The following PDS5A variants were observed in gnomAD, a reference collection of about 807,000 sequenced individuals.
The protein encoded by PDS5A is sister chromatid cohesion protein PDS5 homolog A.
PDS5A carries 42 observed loss-of-function variants against 167.1 expected under a neutral mutation model. The observed-to-expected ratio is 0.25, with a 90% confidence interval of 0.20 to 0.33. PDS5A has a LOEUF of 0.33. PDS5A is among the 10% of genes least tolerant of loss of function. PDS5A has a pLI of 1.00. For synonymous variants in PDS5A, 553 were observed against 554.6 expected (o/e 1.00, Z 0.04); for missense variants, 1,033 against 1,605.9 (o/e 0.64, Z 6.10).
chr4:39,833,416 C>A (rs916069434), intron 32 of PDS5A, among the ~76,000 whole-genome samples: 4 of 151,922 alleles, frequency 2.6e-5, no homozygotes, highest in Non-Finnish European at 5.9e-5. Context: ...AGGGTCTCCT[C>A]GGTCACCCAG....
At chr4:39,843,885 C>T (rs1717301923) in intron 30 of PDS5A, among the ~76,000 whole-genome samples, 3 of 152,048 alleles carry the variant, frequency 2.0e-5, no homozygotes, top group Admixed American at 2.0e-4. Context: ...TGGTTTGCGC[C>T]TGTAATCCCA....
intron 30 of PDS5A, among the ~76,000 whole-genome samples, chr4:39,844,226 A>G (rs1430336875): frequency 2.0e-5 from 3 of 151,950 alleles, no homozygotes; most frequent in African/African-American, 7.2e-5. Flanking sequence ...TGTAATCCCA[A>G]CACTTTGGGA....
intron 30 of PDS5A, 76 bp downstream of exon 30, chr4:39,844,580 T>C: frequency 1.8e-6 from 2 of 1,109,696 alleles, no homozygotes; most frequent in Admixed American, 2.4e-5. Context: ...GACCATTTTA[T>C]GAGACAGCAC....
chr4:39,864,130 AAAAAAAC>A lies in PDS5A; in HGVS notation c.2643-678_2643-672del, dbSNP rs546147030. Among the ~76,000 whole-genome samples, 817 of 152,120 alleles carry A rather than the reference AAAAAAAC, an allele frequency of 5.4e-3. 9 individuals carry two copies. Among genetic ancestry groups the A allele is most frequent in the African/African-American group, 0.016 (652 of 41,460 alleles). On this transcript the variant is annotated intron_variant, in intron 23 of 32. Coordinates refer to ENST00000303538, the MANE Select transcript of PDS5A (RefSeq NM_001100399.2). ...GGCAACAGAGTAAGACTCTGTCTCA[AAAAAAAC>A]AAAAAACAAAAAACAAAAAACAAAA...
intron 17 of PDS5A, among the ~76,000 whole-genome samples, chr4:39,889,493 T>G (rs761716438): frequency 1.6e-4 from 24 of 152,188 alleles, no homozygotes; most frequent in Non-Finnish European, 3.1e-4. Context: ...ATCTCTGAAT[T>G]CTAGGCTGTT....
chr4:39,929,532 T>TATATATAC (rs1376633529), intron 2 of PDS5A, among the ~76,000 whole-genome samples: 22 of 70,918 alleles, frequency 3.1e-4, no homozygotes, highest in Non-Finnish European at 5.8e-4. Flanking sequence ...TATATATATA[T>TATATATAC]ATATATATAT....
chr4:39,941,835 C>A (rs1378380726), intron 2 of PDS5A, among the ~76,000 whole-genome samples: 2 of 152,096 alleles, frequency 1.3e-5, no homozygotes, highest in Non-Finnish European at 2.9e-5. Context: ...GAGGGAGGAG[C>A]CCTTGAGGCC....
At chr4:39,900,624 G>A in intron 13 of PDS5A, 117 bp from the exon 14 acceptor site, 2 of 649,596 alleles carry the variant, frequency 3.1e-6, no homozygotes, top group Non-Finnish European at 5.5e-6. Context: ...CTACCTAAAA[G>A]TTTAAATACC....
At chr4:39,916,394 T>C (rs1007965876) in intron 8 of PDS5A, among the ~76,000 whole-genome samples, 2 of 152,172 alleles carry the variant, frequency 1.3e-5, no homozygotes, top group Non-Finnish European at 2.9e-5. Flanking sequence ...GGTCATAAAA[T>C]TGTAAGCAAT....
chr4:39,861,913 C>T (rs1347068843), intron 26 of PDS5A, among the ~76,000 whole-genome samples: 2 of 152,136 alleles, frequency 1.3e-5, no homozygotes, highest in Non-Finnish European at 2.9e-5. Flanking sequence ...CAGTACTCTT[C>T]CCATATTCAA....
chr4:39,971,850 T>G (rs541801407), intron 2 of PDS5A, among the ~76,000 whole-genome samples: 78 of 152,304 alleles, frequency 5.1e-4, no homozygotes, highest in African/African-American at 1.9e-3. Flanking sequence ...TATCAATAAC[T>G]AAGATTCTAA....
chr4:39,919,442 A>G (rs1359798279), intron 7 of PDS5A, among the ~76,000 whole-genome samples: 3 of 152,140 alleles, frequency 2.0e-5, no homozygotes, highest in Non-Finnish European at 4.4e-5. Context: ...TCAGGAGATC[A>G]AGACCACCCT....
In PDS5A at chr4:39,902,285, T is replaced by C. The variant is rs558708241; in HGVS notation, c.1499+62A>G. On this transcript the variant is annotated intron_variant, in intron 13 of 32. Coordinates refer to ENST00000303538, the MANE Select transcript of PDS5A (RefSeq NM_001100399.2). ...ATCCAATCAATAACAACTAATTAGATAAGATGAAGTAATTTTACGAAATCC... is the reference window on the plus strand; with the variant it reads ...ATCCAATCAATAACAACTAATTAGACAAGATGAAGTAATTTTACGAAATCC... 9.7e-6 allele frequency: 7 copies of C among 723,888 alleles called. No individual in the cohort carries two copies. In the East Asian group the frequency reaches 1.3e-4, roughly 13 times the overall value. The allele number at this position is 723,888 out of a possible 1,614,324, so 44.8% of individuals were successfully genotyped here.
intron 2 of PDS5A, among the ~76,000 whole-genome samples, chr4:39,941,379 C>T (rs1004525104): frequency 3.3e-5 from 5 of 152,146 alleles, no homozygotes; most frequent in African/African-American, 1.2e-4. Flanking sequence ...ATTAAACAGG[C>T]CATCTAACTT....
In PDS5A at chr4:39,858,799, A is replaced by C. The variant is rs367745937; in HGVS notation, c.3086+3420T>G. On this transcript the variant is annotated intron_variant, in intron 26 of 32. Transcript: ENST00000303538. ...CCACAACGCGTGGCTAATTTTTTAT[A>C]TTGTTAGTAGGGACAGGGTTTCACC... 5.3e-5 allele frequency among the ~76,000 whole-genome samples: 8 copies of C among 152,194 alleles called. No homozygotes were observed. In the East Asian group the frequency reaches 1.5e-3, roughly 29 times the overall value.
chr4:39,969,922 T>G (rs138557203), intron 2 of PDS5A, among the ~76,000 whole-genome samples: 2 of 150,524 alleles, frequency 1.3e-5, no homozygotes, highest in East Asian at 3.9e-4. Context: ...TATGGATAAA[T>G]GTAATATGAA....
Position 39,824,555 on chromosome 4 carries a change from A to T in PDS5A, c.*930T>A, listed in dbSNP as rs566232400. On this transcript the variant is annotated 3_prime_UTR_variant, in exon 33 of 33. Transcript: ENST00000303538. The stretch of plus-strand genomic sequence containing the variant: ...TAAAACACCTCCAACTTTCCTTAAA[A>T]GCTGCCAAAGTCCAACTATTTTTTA... 1 of 152,718 alleles carries T rather than the reference A, an allele frequency of 6.5e-6. No individual in the cohort carries two copies. The highest frequency in any genetic ancestry group is 1.5e-5 in the Non-Finnish European group (1 of 68,024). The allele number at this position is 152,718 out of a possible 1,614,324, so 9.5% of individuals were successfully genotyped here.
intron 32 of PDS5A, among the ~76,000 whole-genome samples, chr4:39,831,424 G>T (rs1236989248): frequency 1.3e-5 from 2 of 151,728 alleles, no homozygotes; most frequent in Non-Finnish European, 2.9e-5. Context: ...GGATTCAATG[G>T]GTTAACAAAT....
intron 2 of PDS5A, chr4:39,973,654 G>A: frequency 7.6e-7 from 1 of 1,309,868 alleles, no homozygotes; most frequent in East Asian, 2.3e-5. Context: ...TAGAACTGTG[G>A]CCACAAAACC....
Sources: allele counts gnomAD v4.1 joint callset (sites outside exome capture counted in the v4.1 genomes callset), GRCh38; gene constraint gnomAD v4.1.1; transcripts MANE v1.5; gene names NCBI Gene and HGNC (gene_info 2026-07-23, HGNC 2026-07-21).